NAV2: variants seen among roughly 807,000 people sequenced by gnomAD.
NAV2 encodes the protein neuron navigator 2.
A neutral mutation model predicts 223.2 loss-of-function variants in NAV2; 54 were observed. The observed-to-expected ratio is 0.24, with a 90% CI of 0.19 to 0.30. The LOEUF (loss-of-function observed/expected upper bound fraction) is 0.30, where lower values mean the gene tolerates loss of function less well. Ranked by LOEUF, NAV2 falls within the 10% of genes least tolerant of loss-of-function variation. The pLI is 1.00. For missense variants in NAV2, 2,806 were observed against 3,147.5 expected, an observed-to-expected ratio of 0.89 and a Z score of 2.60; for synonymous variants, 1,279 against 1,239.3, an observed-to-expected ratio of 1.03 and a Z score of -0.67.
chr11:19,944,135 A>G (rs2046638439), intron 8 of NAV2, among the ~76,000 whole-genome samples: 1 of 152,176 alleles, frequency 6.6e-6, no homozygotes, highest in Admixed American at 6.5e-5. Flanking sequence ...GAGGAGGTGG[A>G]GGTTGCAGTG....
chr11:19,450,011 G>A (rs906731329), intron 1 of NAV2, among the ~76,000 whole-genome samples: 6 of 152,060 alleles, frequency 3.9e-5, no homozygotes, highest in Non-Finnish European at 7.4e-5. Context: ...TCTGAAAACT[G>A]TGTTATTTTC....
intron 6 of NAV2, among the ~76,000 whole-genome samples, chr11:19,912,907 AG>A (rs1293389632): frequency 6.6e-6 from 1 of 152,250 alleles, no homozygotes; most frequent in Non-Finnish European, 1.5e-5. Flanking sequence ...CGAGTTGTCC[AG>A]GGAAACCCAT....
chr11:19,581,219 T>C (rs1022669324), intron 1 of NAV2, among the ~76,000 whole-genome samples: 1 of 152,202 alleles, frequency 6.6e-6, no homozygotes. Flanking sequence ...TGACTTGGTT[T>C]TTTTACTTTC....
At chr11:19,916,544 C>A (rs760066145) in intron 6 of NAV2, among the ~76,000 whole-genome samples, 1 of 152,210 alleles carries the variant, frequency 6.6e-6, no homozygotes, top group African/African-American at 2.4e-5. Flanking sequence ...TTGATCTAAT[C>A]GTGTCTGTCT....
chr11:19,562,366 C>T (rs1047090172), intron 1 of NAV2, among the ~76,000 whole-genome samples: 1 of 152,312 alleles, frequency 6.6e-6, no homozygotes, highest in Non-Finnish European at 1.5e-5. Flanking sequence ...AGCAGAGTAG[C>T]CCCTGGGGCC....
intron 11 of NAV2, among the ~76,000 whole-genome samples, chr11:19,990,029 A>C (rs546061440): frequency 6.6e-6 from 1 of 152,246 alleles, no homozygotes; most frequent in African/African-American, 2.4e-5. Context: ...GACAATGCAA[A>C]ATGATTCACA....
At chr11:19,681,359 A>G (rs147852678) in intron 1 of NAV2, among the ~76,000 whole-genome samples, 1 of 152,318 alleles carries the variant, frequency 6.6e-6, no homozygotes, top group East Asian at 1.9e-4. Context: ...TATTTTATAT[A>G]TAGGGAAGTT....
chr11:19,778,344 T>G, intron 1 of NAV2: 1 of 455,760 alleles, frequency 2.2e-6, no homozygotes, highest in Non-Finnish European at 4.4e-6. Context: ...CTCGGTAAAA[T>G]GGAGCAAGTT....
intron 1 of NAV2, chr11:19,504,775 C>G (rs1178313740): frequency 2.0e-5 from 3 of 152,226 alleles, no homozygotes; most frequent in Admixed American, 6.5e-5. Flanking sequence ...AGCCCCTCCC[C>G]CTGGCATGTA....
chr11:19,787,447 T>C (rs1260797953), intron 1 of NAV2, among the ~76,000 whole-genome samples: 3 of 152,040 alleles, frequency 2.0e-5, no homozygotes, highest in African/African-American at 7.2e-5. Context: ...GATGTAGAAA[T>C]CATCTAAAGG....
chr11:19,708,867 C>A (rs1263013661), upstream of NAV2, among the ~76,000 whole-genome samples: 2 of 144,644 alleles, frequency 1.4e-5, no homozygotes, highest in Non-Finnish European at 3.0e-5. Context: ...TGGGCCATTT[C>A]AACTTGGCAT....
intron 1 of NAV2, among the ~76,000 whole-genome samples, chr11:19,441,376 A>G (rs1441620663): frequency 6.6e-6 from 1 of 152,152 alleles, no homozygotes; most frequent in Admixed American, 6.5e-5. Context: ...TGATCAAATC[A>G]CATTGGCTGC....
intron 1 of NAV2, among the ~76,000 whole-genome samples, chr11:19,612,342 C>T (rs2135341714): frequency 6.6e-6 from 1 of 152,352 alleles, no homozygotes; most frequent in South Asian, 2.1e-4. Context: ...AGTCTCCTTG[C>T]TGCTTATCCA....
At chr11:19,989,852 C>A (rs1316662900) in intron 11 of NAV2, among the ~76,000 whole-genome samples, 1 of 152,150 alleles carries the variant, frequency 6.6e-6, no homozygotes, top group Admixed American at 6.5e-5. Context: ...TGATCACCCC[C>A]CAAATCCTCC....
intron 22 of NAV2, among the ~76,000 whole-genome samples, chr11:20,075,991 G>T (rs915214194): frequency 3.3e-5 from 5 of 152,108 alleles, no homozygotes; most frequent in Middle Eastern, 6.8e-3. Context: ...AGTTTCTCTT[G>T]TCACTTTCTC....
At chr11:19,939,059 G>A (rs1442574292) in intron 7 of NAV2, among the ~76,000 whole-genome samples, 2 of 152,210 alleles carry the variant, frequency 1.3e-5, no homozygotes, top group South Asian at 2.1e-4. Context: ...ATAAGGGCAT[G>A]GAGAGGGTTT....
At chr11:19,938,919 C>T (rs558412793) in intron 7 of NAV2, among the ~76,000 whole-genome samples, 2 of 152,152 alleles carry the variant, frequency 1.3e-5, no homozygotes, top group Non-Finnish European at 2.9e-5. Flanking sequence ...CATGCCAGTG[C>T]GTTAATAATG....
At chr11:19,810,509 G>A (rs1403948328) in intron 1 of NAV2, among the ~76,000 whole-genome samples, 2 of 152,122 alleles carry the variant, frequency 1.3e-5, no homozygotes, top group East Asian at 3.8e-4. Context: ...ACGTATCTAC[G>A]AATATCCTAT....
intron 8 of NAV2, among the ~76,000 whole-genome samples, chr11:19,945,182 C>CTTCCT (rs2046824210): frequency 1.2e-5 from 1 of 82,518 alleles, no homozygotes; most frequent in Admixed American, 1.5e-4. Context: ...CTTCCCTTCC[C>CTTCCT]TTCCCTTCCC....
Sources: gnomAD v4.1 joint callset for allele counts (sites outside exome capture counted in the v4.1 genomes callset) on GRCh38, gnomAD v4.1.1 for gene constraint, MANE v1.5 for transcripts, NCBI Gene and HGNC (gene_info 2026-07-23, HGNC 2026-07-21) for gene names.